The following PRRC2A variants were observed in gnomAD, a reference collection of about 807,000 sequenced individuals.
PRRC2A encodes proline rich coiled-coil 2A, also known as protein PRRC2A.
A neutral mutation model predicts 224.6 loss-of-function variants in PRRC2A; 59 were observed. The observed-to-expected ratio is 0.26, with a 90% CI of 0.21 to 0.33. The LOEUF (loss-of-function observed/expected upper bound fraction) is 0.33. Ranked by LOEUF, PRRC2A falls within the 10% of genes least tolerant of loss-of-function variation. The pLI, the probability that PRRC2A is intolerant of heterozygous loss-of-function variation, is 1.00. For synonymous variants in PRRC2A, 1,194 were observed against 1,109.5 expected (o/e 1.08, Z -1.51); for missense variants, 3,095 against 2,880.7 (o/e 1.07, Z -1.70).
At chr6:31,634,716 A>C in intron 20 of PRRC2A, 37 bp from the exon 21 acceptor site, 2 of 1,597,568 alleles carry the variant, frequency 1.3e-6, no homozygotes, top group Non-Finnish European at 1.7e-6. Context: ...GGTGCTTTCT[A>C]CCCTGACTTA....
rs970005559 is a variant in PRRC2A, at chr6:31,625,010, G to A, written c.464-161G>A. 4.8e-5 allele frequency: 37 copies of A among 767,160 alleles called. No individual in the cohort carries two copies. The highest frequency in any genetic ancestry group is 7.7e-5 in the Non-Finnish European group (36 of 469,664). The allele number at this position is 767,160 out of a possible 1,614,324, so 47.5% of individuals were successfully genotyped here. ...GAGATGGGGTTTCACATGTTGGCCA[G>A]GATGGTCTCGATCTCTTGACCTCGT... On this transcript the variant is annotated intron_variant, in intron 5 of 30. Transcript: ENST00000376033. This position sits in a 1 kb window ranked among gnomAD's most constrained non-coding sequence, Gnocchi z 4.1.
rs200800498 is a variant in PRRC2A, at chr6:31,625,306, G to A, written c.599G>A (p.Arg200His). 5.3e-5 allele frequency: 86 copies of A among 1,613,628 alleles called. 1 individual carries two copies. The highest frequency in any genetic ancestry group is 6.6e-5 in the Non-Finnish European group (78 of 1,180,026). ...TCGTCTGGGCCCGGACCAAGCCTCC[G>A]CCCCCAAAGTGAGTGGCTGCCTTTT... ...EQSSGPGPSL[R>H]PQNSTTWRDG... Residue 200 changes from arginine to histidine, a missense_variant, in exon 6 of 31, where the codon CGC (arginine) becomes CAC (histidine). Arg to His is a conservative substitution (Grantham distance 29). This residue lies in a region of PRRC2A where 287 missense variants were observed against 275.3 expected (regional missense o/e 1.04). Coordinates refer to ENST00000376033, the MANE Select transcript of PRRC2A (RefSeq NM_004638.4). This position sits in a 1 kb window ranked among gnomAD's most constrained non-coding sequence, Gnocchi z 4.1.
intron 3 of PRRC2A, 68 bp from the exon 4 acceptor site, chr6:31,624,193 T>A: frequency 6.8e-7 from 1 of 1,462,460 alleles, no homozygotes; most frequent in East Asian, 2.3e-5. Context: ...CAGTCCTGAG[T>A]CTCCACCAGT....
chr6:31,626,725 T>C (rs1775953352), intron 9 of PRRC2A, 47 bp from the exon 10 acceptor site: 1 of 1,499,352 alleles, frequency 6.7e-7, no homozygotes, highest in Non-Finnish European at 9.1e-7. Flanking sequence ...CCTCCCAAGA[T>C]TGGAGGGCAG....
In PRRC2A at chr6:31,626,097, TTCTCAAAGAGGATAA is replaced by T; in HGVS notation, c.928_942del (p.Asp310_Glu314del). The T allele has an allele frequency of 6.2e-7, 1 of 1,612,960 alleles. No homozygotes were observed. Among genetic ancestry groups the T allele is most frequent in the Non-Finnish European group, 8.5e-7 (1 of 1,179,948 alleles). ...GTAGAGCCTGTGGGTCGTCCCTCTA[TTCTCAAAGAGGATAA>T]TCTCAAAGAGTTTGATCAGTTGGAT... On this transcript the variant is annotated inframe_deletion, in exon 9 of 31. Coordinates refer to ENST00000376033, the MANE Select transcript of PRRC2A (RefSeq NM_004638.4).
chr6:31,624,572 A>C, intron 5 of PRRC2A, 50 bp downstream of exon 5: 1 of 1,547,900 alleles, frequency 6.5e-7, no homozygotes, highest in Non-Finnish European at 8.9e-7. Context: ...CATGGGATGC[A>C]TGAACCCTGC....
In PRRC2A at chr6:31,631,310, A is replaced by G. The variant is rs1561819421; in HGVS notation, c.2637A>G (p.Pro879=). The G allele has an allele frequency of 2.5e-6, 4 of 1,608,984 alleles. No individual in the cohort carries two copies. Among genetic ancestry groups the G allele is most frequent in the East Asian group, 2.2e-5 (1 of 44,776 alleles). Residue 879 remains proline (P), a synonymous_variant, in exon 16 of 31, where the codon CCA becomes CCG. Transcript: ENST00000376033. The surrounding 1 kb of genome is among the most constrained non-coding windows in gnomAD (Gnocchi z 4.5). The stretch of plus-strand genomic sequence containing the variant: ...ATGAAGTGGCCAAGATACAAACTCC[A>G]CCACCCAAGAAGGAGCCCCCTAAGG... ...GSDEVAKIQT[P]PPKKEPPKEE... is the part of the protein sequence containing the mutation.
At position 31,630,767 on chromosome 6, in the gene PRRC2A, C is replaced by T. The variant is rs145454990; in HGVS notation, c.2431C>T (p.Arg811Cys). The T allele has an allele frequency of 2.7e-5, 44 of 1,614,032 alleles. No individual in the cohort carries two copies. Among genetic ancestry groups the T allele is most frequent in the African/African-American group, 9.3e-5 (7 of 74,918 alleles). ...ACCCCGCCCACTTACCTCACCTCTGCGCCAGGCTGCGGATGAGGATGACAA... is the reference window on the plus strand; with the variant it reads ...ACCCCGCCCACTTACCTCACCTCTGTGCCAGGCTGCGGATGAGGATGACAA... ...AEPRPLTSPL[R>C]QAADEDDKGM... The change falls in exon 15 of 31, where the codon CGC (arginine) becomes TGC (cysteine). Residue 811 changes from arginine to cysteine, a missense_variant. Physicochemically the swap from Arg to Cys is radical, Grantham distance 180. Around this residue, in one of 8 missense-constraint regions of PRRC2A, gnomAD observed 2,001 missense variants for 1,764.9 expected, o/e 1.13. Transcript: ENST00000376033.
chr6:31,633,271 G>C, intron 16 of PRRC2A, 108 bp from the exon 17 acceptor site: 1 of 1,476,338 alleles, frequency 6.8e-7, no homozygotes. Context: ...AAAACACCTG[G>C]ACTTTAATAG....
intron 5 of PRRC2A, 171 bp from the exon 6 acceptor site, chr6:31,625,000 A>G (rs1052128440): frequency 4.2e-6 from 3 of 712,302 alleles, no homozygotes; most frequent in Non-Finnish European, 7.0e-6. Context: ...GGGGTTTCAC[A>G]TGTTGGCCAG....
At chr6:31,624,947 G>A (rs1179215071) in intron 5 of PRRC2A, 4 of 579,830 alleles carry the variant, frequency 6.9e-6, no homozygotes, top group African/African-American at 3.7e-5. Flanking sequence ...ACAGGCACAC[G>A]CCAACACACC....
At position 31,629,563 on chromosome 6, in the gene PRRC2A, CAGCAGCAGCAGCACCAGT is replaced by C. The variant is rs759036728; in HGVS notation, c.1973_1990del (p.Gln658_Trp664delinsArg). 24 of 1,545,714 alleles carry C rather than the reference CAGCAGCAGCAGCACCAGT, an allele frequency of 1.6e-5. No individual in the cohort carries two copies. Among genetic ancestry groups the C allele is most frequent in the Non-Finnish European group, 2.1e-5 (24 of 1,119,560 alleles). On this transcript the variant is annotated inframe_deletion, in exon 14 of 31. Transcript: ENST00000376033. Reference sequence around the variant, plus strand: ...CCTTTCCTAGGAGCAGCTCCTGAAGCAGCAGCAGCAGCACCAGTGGCAGCAGCATCAACAGGGCTCTGC... The same window carrying C: ...CCTTTCCTAGGAGCAGCTCCTGAAGCGGCAGCAGCATCAACAGGGCTCTGC...
chr6:31,632,330 C>A lies in PRRC2A; in HGVS notation c.3657C>A (p.Ser1219=). The change falls in exon 16 of 31, where the codon TCC becomes TCA. Residue 1219 remains serine (S), a synonymous_variant. Transcript: ENST00000376033. Reference sequence around the variant, plus strand: ...AGAAGTTGATCCCAGGGCCTCTGTCCCCTGTGGCGCGCGGAGGCAGCAATG... The same window carrying A: ...AGAAGTTGATCCCAGGGCCTCTGTCACCTGTGGCGCGCGGAGGCAGCAATG... ...LKEKLIPGPL[S]PVARGGSNGG... The A allele has an allele frequency of 6.2e-7, 1 of 1,613,422 alleles. No homozygotes were observed. Among genetic ancestry groups the A allele is most frequent in the East Asian group, 2.2e-5 (1 of 44,876 alleles).
At position 31,632,208 on chromosome 6, in the gene PRRC2A, C is replaced by T. The variant is rs761642191; in HGVS notation, c.3535C>T (p.Pro1179Ser). 7.5e-6 allele frequency: 12 copies of T among 1,608,384 alleles called. No homozygotes were observed. The highest frequency in any genetic ancestry group is 2.7e-5 in the African/African-American group (2 of 74,552). Residue 1179 changes from proline (P) to serine (S), a missense_variant, in exon 16 of 31, where the codon CCT (proline) becomes TCT (serine). This residue lies in a region of PRRC2A where 2,001 missense variants were observed against 1,764.9 expected (regional missense o/e 1.13). Coordinates refer to ENST00000376033, the MANE Select transcript of PRRC2A (RefSeq NM_004638.4). ...GGGCCGAGGAGGAGGGAGGCCCCCTCCTCAAGTTTGCCCAGGCTGGAGCCC... is the reference window on the plus strand; with the variant it reads ...GGGCCGAGGAGGAGGGAGGCCCCCTTCTCAAGTTTGCCCAGGCTGGAGCCC... Reference protein sequence around the residue: ...RRGRGGGRPPPQVCPGWSPPA... With the variant: ...RRGRGGGRPPSQVCPGWSPPA...
Position 31,635,277 on chromosome 6 carries a change from G to C in PRRC2A, c.5301+5G>C, listed in dbSNP as rs777481846. 1.2e-6 allele frequency: 2 copies of C among 1,614,060 alleles called. No homozygotes were observed. Among genetic ancestry groups the C allele is most frequent in the Admixed American group, 3.3e-5 (2 of 59,986 alleles). On this transcript the variant is annotated splice_donor_5th_base_variant and intron_variant, in intron 22 of 30. Coordinates refer to ENST00000376033, the MANE Select transcript of PRRC2A (RefSeq NM_004638.4). ...CAGTTTGGCACTAGTGACAAGGTCT[G>C]TGTGGGCTGGATCTGGGTATCCTGA...
intron 5 of PRRC2A, chr6:31,624,957 C>T (rs192896184): frequency 1.7e-6 from 1 of 595,304 alleles, no homozygotes; most frequent in Non-Finnish European, 2.9e-6. Flanking sequence ...GCCAACACAC[C>T]CAGCTAATTT....
chr6:31,636,633 CT>C lies in PRRC2A; in HGVS notation c.5934+27del, dbSNP rs769270649. 1 of 1,589,024 alleles carries C rather than the reference CT, an allele frequency of 6.3e-7. No individual in the cohort carries two copies. Among genetic ancestry groups the C allele is most frequent in the South Asian group, 1.1e-5 (1 of 88,430 alleles). On this transcript the variant is annotated intron_variant, in intron 27 of 30. Coordinates refer to ENST00000376033, the MANE Select transcript of PRRC2A (RefSeq NM_004638.4). This position sits in a 1 kb window ranked among gnomAD's most constrained non-coding sequence, Gnocchi z 4.3. ...GGTATATTGTATCTTCACACTTCCC[CT>C]TCATTTGATTTCTCTGTCCAGTTGC...
chr6:31,634,666 C>G, intron 20 of PRRC2A, 87 bp from the exon 21 acceptor site: 4 of 1,568,024 alleles, frequency 2.6e-6, no homozygotes, highest in Non-Finnish European at 3.5e-6. Flanking sequence ...TTGGCTGTCC[C>G]CTTTCTGCAG....
chr6:31,624,512 A>C lies in PRRC2A; in HGVS notation c.453A>C (p.Ala151=). The C allele has an allele frequency of 6.2e-7, 1 of 1,612,318 alleles. No homozygotes were observed. Among genetic ancestry groups the C allele is most frequent in the Non-Finnish European group, 8.5e-7 (1 of 1,178,330 alleles). ...SWAQASVTHG[A]HGDGGRASSL... is the part of the protein sequence containing the mutation. The stretch of plus-strand genomic sequence containing the variant: ...CACAAGCCAGCGTCACCCATGGAGC[A>C]CATGGAGATGGTGAGTGCAGCACTT... The change falls in exon 5 of 31, where the codon GCA becomes GCC. Residue 151 remains alanine, a synonymous_variant. Coordinates refer to ENST00000376033, the MANE Select transcript of PRRC2A (RefSeq NM_004638.4).
Sources: allele counts gnomAD v4.1 joint callset, GRCh38; gene constraint gnomAD v4.1.1; regional missense constraint gnomAD v4.1.1; non-coding constraint Gnocchi (gnomAD v3.1); transcripts MANE v1.5; gene names NCBI Gene and HGNC (gene_info 2026-07-23, HGNC 2026-07-21).